DOCK9: variants seen among roughly 807,000 people sequenced by gnomAD.
DOCK9 encodes the protein dedicator of cytokinesis protein 9.
In DOCK9, 89 loss-of-function variants were observed where a neutral mutation model predicts 263.3. That is an observed-to-expected ratio of 0.34 (90% CI 0.28 to 0.40). The LOEUF (loss-of-function observed/expected upper bound fraction) is 0.40. Ranked by LOEUF, DOCK9 falls within the 10% of genes least tolerant of loss-of-function variation. The pLI is 1.00. For missense variants in DOCK9, 2,140 were observed against 2,603.4 expected (o/e 0.82, Z 3.87); for synonymous variants, 976 against 973.1 (o/e 1.00, Z -0.06).
chr13:98,894,395 T>A (rs530494053), intron 15 of DOCK9, among the ~76,000 whole-genome samples: 1 of 152,194 alleles, frequency 6.6e-6, no homozygotes, highest in Non-Finnish European at 1.5e-5. Flanking sequence ...ATATCCTAAA[T>A]AGCTATTTTT....
At chr13:98,833,922 C>T (rs190187197) in intron 39 of DOCK9, among the ~76,000 whole-genome samples, 5 of 152,356 alleles carry the variant, frequency 3.3e-5, no homozygotes, top group African/African-American at 1.2e-4. Flanking sequence ...TCACCCTTAA[C>T]TGTTCCACTC....
chr13:98,975,204 C>G (rs891132028), intron 1 of DOCK9, among the ~76,000 whole-genome samples: 1 of 151,964 alleles, frequency 6.6e-6, no homozygotes, highest in East Asian at 1.9e-4. Context: ...CATGATGAAA[C>G]CCTGTCCCTA....
intron 2 of DOCK9, among the ~76,000 whole-genome samples, chr13:98,933,607 C>G (rs1334102183): frequency 2.6e-5 from 4 of 152,226 alleles, no homozygotes; most frequent in Non-Finnish European, 1.5e-5. Context: ...GAGACTTCAT[C>G]CAATTAAACT....
intron 1 of DOCK9, among the ~76,000 whole-genome samples, chr13:98,998,613 T>C (rs958480919): frequency 1.3e-5 from 2 of 152,070 alleles, no homozygotes; most frequent in African/African-American, 4.8e-5. Flanking sequence ...GCCCCTACCC[T>C]ACCCACCTGG....
chr13:98,828,672 G>A (rs112664303), intron 43 of DOCK9, among the ~76,000 whole-genome samples: 89 of 152,250 alleles, frequency 5.8e-4, no homozygotes, highest in Non-Finnish European at 9.9e-4. Context: ...TCTCCTAGGC[G>A]CACAGACTGC....
chr13:99,077,713 G>A (rs1342071316), intron 1 of DOCK9, among the ~76,000 whole-genome samples: 4 of 152,132 alleles, frequency 2.6e-5, no homozygotes, highest in Admixed American at 6.5e-5. Flanking sequence ...ACATAGAAAG[G>A]ACTGTACTTC....
At chr13:99,017,235 G>A (rs913339373) in intron 1 of DOCK9, among the ~76,000 whole-genome samples, 4 of 152,264 alleles carry the variant, frequency 2.6e-5, no homozygotes, top group Non-Finnish European at 2.9e-5. Flanking sequence ...ATCTTCATGC[G>A]AAATCACAAT....
intron 22 of DOCK9, 112 bp from the exon 23 acceptor site, chr13:98,883,243 T>C: frequency 4.1e-6 from 4 of 983,384 alleles, no homozygotes; most frequent in Non-Finnish European, 3.0e-6. Context: ...GTTGTTGTTG[T>C]TGTTGTTGTT....
rs368393929 is a variant in DOCK9, at chr13:98,945,173, A to G, written c.243+10262T>C. 1.6e-3 allele frequency among the ~76,000 whole-genome samples: 239 copies of G among 152,366 alleles called. 8 individuals are homozygous for G. The South Asian group carries it at 0.047, about 30-fold the overall frequency. On this transcript the variant is annotated intron_variant, in intron 2 of 52. Transcript: ENST00000682017. ...TCCAGCTCAAGCTTAAATGCTCAAA[A>G]TAGCCACTTGAAGAGCTCTACCCTT...
intron 1 of DOCK9, among the ~76,000 whole-genome samples, chr13:98,989,231 G>T (rs1011997600): frequency 2.1e-4 from 32 of 151,928 alleles, no homozygotes; most frequent in Non-Finnish European, 1.6e-4. Context: ...CAGCAAAAGT[G>T]AGGTGAAGCC....
chr13:99,015,859 C>A, intron 1 of DOCK9: 2 of 1,015,764 alleles, frequency 2.0e-6, no homozygotes, highest in Non-Finnish European at 2.5e-6. Flanking sequence ...TCGGATGCAC[C>A]AAACCTTTAA....
At chr13:98,927,403 A>G (rs2140212224) in intron 3 of DOCK9, among the ~76,000 whole-genome samples, 1 of 152,280 alleles carries the variant, frequency 6.6e-6, no homozygotes, top group East Asian at 1.9e-4. Context: ...AGGCCTGACT[A>G]TGTACGACGT....
chr13:98,925,928 G>C lies in DOCK9; in HGVS notation c.334-9C>G. 2 of 1,542,040 alleles carry C rather than the reference G, an allele frequency of 1.3e-6. No homozygotes were observed. Among genetic ancestry groups the C allele is most frequent in the Non-Finnish European group, 1.7e-6 (2 of 1,145,056 alleles). On this transcript the variant is annotated splice_polypyrimidine_tract_variant and intron_variant, in intron 3 of 52. Coordinates refer to ENST00000682017, the MANE Select transcript of DOCK9 (RefSeq NM_001366683.2). ...TTATAGGTTTTGATGCACTATTGAAGGGGGATTTTAAAAATAGAAAATAAA... is the reference window on the plus strand; with the variant it reads ...TTATAGGTTTTGATGCACTATTGAACGGGGATTTTAAAAATAGAAAATAAA...
intron 9 of DOCK9, among the ~76,000 whole-genome samples, chr13:98,905,182 T>G (rs1452110950): frequency 3.3e-5 from 5 of 152,120 alleles, no homozygotes; most frequent in Admixed American, 6.5e-5. Context: ...GAGGAAGGAA[T>G]ATATTTTGAA....
At chr13:99,059,597 C>T (rs7319782) in intron 1 of DOCK9, among the ~76,000 whole-genome samples, 33,329 of 152,164 alleles carry the variant, frequency 0.22, 3,657 homozygotes, top group Middle Eastern at 0.3. Flanking sequence ...ACATCACTGT[C>T]CTGTTTAAAA....
At chr13:99,073,692 G>T (rs1370189894) in intron 1 of DOCK9, among the ~76,000 whole-genome samples, 1 of 152,106 alleles carries the variant, frequency 6.6e-6, no homozygotes, top group Non-Finnish European at 1.5e-5. Context: ...AACCCTTCCT[G>T]CCTTCAATCC....
At chr13:99,079,857 T>C (rs1225304581) in intron 1 of DOCK9, among the ~76,000 whole-genome samples, 3 of 152,032 alleles carry the variant, frequency 2.0e-5, no homozygotes, top group African/African-American at 4.8e-5. Context: ...CTGGCCAACA[T>C]GGTGAAACCC....
chr13:98,804,987 TG>T lies in DOCK9; in HGVS notation c.5725+11del. On this transcript the variant is annotated intron_variant, in intron 49 of 52. Transcript: ENST00000682017. Reference sequence around the variant, plus strand: ...TCCGGGCTCGTGTCCATGCGGCTTCTGGGGCCCATACCTGTCAGGATGGTGC... The same window carrying T: ...TCCGGGCTCGTGTCCATGCGGCTTCTGGGCCCATACCTGTCAGGATGGTGC... 2 of 1,590,480 alleles carry T rather than the reference TG, an allele frequency of 1.3e-6. No homozygotes were observed. Among genetic ancestry groups the T allele is most frequent in the Non-Finnish European group, 1.7e-6 (2 of 1,168,486 alleles).
chr13:99,071,055 T>A (rs1331450089), intron 1 of DOCK9, among the ~76,000 whole-genome samples: 1 of 152,196 alleles, frequency 6.6e-6, no homozygotes, highest in Non-Finnish European at 1.5e-5. Context: ...CTATAACTTT[T>A]GACTCCCCAG....
Sources: allele counts gnomAD v4.1 joint callset (sites outside exome capture counted in the v4.1 genomes callset), GRCh38; gene constraint gnomAD v4.1.1; transcripts MANE v1.5; gene names NCBI Gene and HGNC (gene_info 2026-07-23, HGNC 2026-07-21).